Variants in PTP4A1 observed in about 807,000 individuals in gnomAD.
PTP4A1 encodes protein tyrosine phosphatase type IVA 1.
A neutral mutation model predicts 20.5 loss-of-function variants in PTP4A1; 9 were observed. The ratio of observed to expected loss-of-function variants is 0.44; its 90% CI spans 0.26 to 0.77. The LOEUF (loss-of-function observed/expected upper bound fraction) is 0.77. Among genes scored for constraint, PTP4A1 ranks in the 30% least tolerant of loss-of-function variants. The pLI, the probability that PTP4A1 is intolerant of heterozygous loss-of-function variation, is 0.19. For synonymous variants in PTP4A1, 78 were observed against 67.4 expected (o/e 1.16, Z -0.77); for missense variants, 137 against 218.8 (o/e 0.63, Z 2.36).
intron 2 of PTP4A1, chr6:63,528,089 G>C (rs1775265157): frequency 6.6e-6 from 1 of 152,234 alleles, no homozygotes. Context: ...AGGCAGGTAA[G>C]TGTGACTTCC....
At chr6:63,568,406 TATTCAAC>T (rs1777278836), upstream of PTP4A1, among the ~76,000 whole-genome samples, 2 of 152,242 alleles carry the variant, frequency 1.3e-5, no homozygotes, top group African/African-American at 4.8e-5. Flanking sequence ...AGTCAGAATA[TATTCAAC>T]ATTTATCAAA....
intron 3 of PTP4A1, among the ~76,000 whole-genome samples, chr6:63,561,599 A>G (rs1187759815): frequency 6.6e-6 from 1 of 152,148 alleles, no homozygotes; most frequent in Non-Finnish European, 1.5e-5. Context: ...ATTCCAGGGC[A>G]CTTACAATCA....
chr6:63,552,129 C>T (rs1217235882), intron 3 of PTP4A1, among the ~76,000 whole-genome samples: 3 of 152,174 alleles, frequency 2.0e-5, no homozygotes, highest in Non-Finnish European at 1.5e-5. Context: ...CTGACTTCCA[C>T]AATGGTTGAA....
At chr6:63,578,225 T>A (rs1777998033) in intron 2 of PTP4A1, among the ~76,000 whole-genome samples, 1 of 152,214 alleles carries the variant, frequency 6.6e-6, no homozygotes, top group African/African-American at 2.4e-5. Context: ...AAAATATGTA[T>A]GGTATTTAAT....
At chr6:63,554,972 G>A (rs915315445) in intron 3 of PTP4A1, among the ~76,000 whole-genome samples, 5 of 152,130 alleles carry the variant, frequency 3.3e-5, no homozygotes, top group Non-Finnish European at 5.9e-5. Flanking sequence ...CAGCAATGTC[G>A]GAAGTTCTGA....
At chr6:63,565,876 G>C (rs1310537763) in intron 3 of PTP4A1, among the ~76,000 whole-genome samples, 1 of 152,166 alleles carries the variant, frequency 6.6e-6, no homozygotes, top group African/African-American at 2.4e-5. Context: ...TTTTAATATA[G>C]AGCATGTTTT....
chr6:63,537,310 A>G (rs1775770232), intron 2 of PTP4A1, among the ~76,000 whole-genome samples: 3 of 152,278 alleles, frequency 2.0e-5, no homozygotes, highest in African/African-American at 7.2e-5. Flanking sequence ...TGAACCAGAA[A>G]CTGTGCAGTG....
intron 2 of PTP4A1, among the ~76,000 whole-genome samples, chr6:63,577,794 C>T (rs1777964594): frequency 6.6e-6 from 1 of 151,620 alleles, no homozygotes; most frequent in African/African-American, 2.4e-5. Flanking sequence ...TCAGGTGAGC[C>T]ACCACGCCTG....
At chr6:63,558,487 C>T (rs1311342000) in intron 3 of PTP4A1, among the ~76,000 whole-genome samples, 1 of 152,104 alleles carries the variant, frequency 6.6e-6, no homozygotes, top group Non-Finnish European at 1.5e-5. Context: ...GCTTGAGCAC[C>T]TGAAGGACAA....
At position 63,535,921 on chromosome 6, in the gene PTP4A1, C is replaced by T. The variant is rs899765918; in HGVS notation, c.-640+7837C>T. On this transcript the variant is annotated intron_variant, in intron 2 of 3. Coordinates refer to the PTP4A1 transcript ENST00000639568. ...CCGAGTATCTGGGTTTACAGGCGTG[C>T]GCCACCATGCACAGCTAATTTCTGT... Among the ~76,000 whole-genome samples, 4 of 152,082 alleles carry T rather than the reference C, an allele frequency of 2.6e-5. No homozygotes were observed. In the East Asian group the frequency reaches 5.9e-4, roughly 22 times the overall value.
intron 1 of PTP4A1, among the ~76,000 whole-genome samples, chr6:63,522,368 T>C (rs1049801349): frequency 9.9e-5 from 15 of 152,222 alleles, no homozygotes; most frequent in Non-Finnish European, 2.1e-4. Context: ...AAAAACATTC[T>C]AGTTAAACAG....
intron 2 of PTP4A1, chr6:63,549,005 G>A: frequency 1.4e-6 from 1 of 730,014 alleles, no homozygotes; most frequent in Non-Finnish European, 2.5e-6. Flanking sequence ...CAGGCAAGAA[G>A]ACAACCAGCT....
upstream of PTP4A1, among the ~76,000 whole-genome samples, chr6:63,520,387 G>T (rs1774875660): frequency 6.6e-6 from 1 of 152,174 alleles, no homozygotes; most frequent in Non-Finnish European, 1.5e-5. Flanking sequence ...AGCACTTTGG[G>T]AGACTGAGGC....
chr6:63,577,747 T>C (rs1250355771), intron 2 of PTP4A1, among the ~76,000 whole-genome samples: 1 of 151,988 alleles, frequency 6.6e-6, no homozygotes, highest in Non-Finnish European at 1.5e-5. Context: ...AGATGTAGTT[T>C]CACCATATTG....
intron 3 of PTP4A1, among the ~76,000 whole-genome samples, chr6:63,555,717 G>A (rs1008705627): frequency 2.1e-4 from 29 of 141,146 alleles, no homozygotes; most frequent in African/African-American, 7.3e-4. Context: ...TTTTTGAGAC[G>A]GAGTCTCGCT....
chr6:63,572,124 CAT>C (rs1777463486), upstream of PTP4A1: 1 of 152,342 alleles, frequency 6.6e-6, no homozygotes, highest in African/African-American at 2.4e-5. Flanking sequence ...CCTCATGTGA[CAT>C]GTGTGCACTC....
chr6:63,573,044 C>T (rs1030931906), intron 1 of PTP4A1, among the ~76,000 whole-genome samples: 12 of 152,110 alleles, frequency 7.9e-5, no homozygotes, highest in African/African-American at 2.9e-4. Flanking sequence ...TTTCGGCTTC[C>T]GCAGCGGGCC....
chr6:63,538,387 C>T (rs895682221), intron 2 of PTP4A1, among the ~76,000 whole-genome samples: 55 of 152,148 alleles, frequency 3.6e-4, no homozygotes, highest in Non-Finnish European at 2.1e-4. Context: ...AAAACTGAGA[C>T]TGAATGATTT....
chr6:63,555,775 C>A (rs1776661290), intron 3 of PTP4A1, among the ~76,000 whole-genome samples: 1 of 150,412 alleles, frequency 6.6e-6, no homozygotes, highest in Admixed American at 6.7e-5. Flanking sequence ...CTCACTGCAA[C>A]TTCTGCCTCC....
Sources: gnomAD v4.1 joint callset for allele counts (sites outside exome capture counted in the v4.1 genomes callset) on GRCh38, gnomAD v4.1.1 for gene constraint, MANE v1.5 for transcripts, NCBI Gene and HGNC (gene_info 2026-07-23, HGNC 2026-07-21) for gene names.